Variants in ZNF585A observed in about 807,000 individuals in gnomAD.
ZNF585A encodes zinc finger protein 585A.
ZNF585A carries 9 observed loss-of-function variants against 14.9 expected under a neutral mutation model. The observed-to-expected ratio is 0.60, with a 90% CI of 0.36 to 1.05. ZNF585A has a LOEUF of 1.05. Ranked by LOEUF, ZNF585A falls within the 50% of genes least tolerant of loss-of-function variation. ZNF585A has a pLI of 0.01. For synonymous variants in ZNF585A, 276 were observed against 319.9 expected, an observed-to-expected ratio of 0.86 and a Z score of 1.46; for missense variants, 726 against 926.4, an observed-to-expected ratio of 0.78 and a Z score of 2.81.
chr19:37,147,753 C>T lies in ZNF585A; in HGVS notation c.*3836G>A, dbSNP rs1568490662. The stretch of plus-strand genomic sequence containing the variant: ...TTAAAATATATAAATCTAGTTTTTA[C>T]ACTTATAAATCTTTTATCAAATGTA... On this transcript the variant is annotated 3_prime_UTR_variant, in exon 5 of 5. Coordinates refer to ENST00000292841, the MANE Select transcript of ZNF585A (RefSeq NM_001288800.2). 2 of 152,122 alleles carry T rather than the reference C, an allele frequency of 1.3e-5. No homozygotes were observed. Among genetic ancestry groups the T allele is most frequent in the Admixed American group, 1.3e-4 (2 of 15,284 alleles). The allele number at this position is 152,122 out of a possible 1,614,324, so 9.4% of individuals were successfully genotyped here. A position where few individuals can be genotyped will look rare whatever the true frequency, so the allele number is the denominator to read the frequency against.
At chr19:37,167,135 A>G (rs1972104887) in intron 2 of ZNF585A, among the ~76,000 whole-genome samples, 1 of 151,698 alleles carries the variant, frequency 6.6e-6, no homozygotes. Flanking sequence ...CACCCAGCCT[A>G]CCACACAAAC....
In ZNF585A at chr19:37,145,648, T is replaced by G. The variant is rs1475030395; in HGVS notation, c.*5941A>C. 1 of 152,208 alleles carries G rather than the reference T, an allele frequency of 6.6e-6. No individual in the cohort carries two copies. Among genetic ancestry groups the G allele is most frequent in the Non-Finnish European group, 1.5e-5 (1 of 68,036 alleles). The allele number at this position is 152,208 out of a possible 1,614,324, so 9.4% of individuals were successfully genotyped here. ...TCACAAATGTAAACAGAGAGCACAA[T>G]TTTTTGTTTTAATAGCAGCATTCCT... On this transcript the variant is annotated 3_prime_UTR_variant, in exon 5 of 5. Coordinates refer to ENST00000292841, the MANE Select transcript of ZNF585A (RefSeq NM_001288800.2).
Position 37,169,878 on chromosome 19 carries a change from G to A in ZNF585A, c.33C>T (p.Ser11=). MPANWTSPQK[S]SALAPEDHGS... ...CATGATCCTCTGGAGCCAGGGCTGAGGATTTCTGAGGTGAGGTCCAATTAG... is the reference window on the plus strand; with the variant it reads ...CATGATCCTCTGGAGCCAGGGCTGAAGATTTCTGAGGTGAGGTCCAATTAG... Residue 11 remains serine, a synonymous_variant, in exon 2 of 5, where the codon TCC becomes TCT. Transcript: ENST00000292841. 1.2e-6 allele frequency: 2 copies of A among 1,613,392 alleles called. No individual in the cohort carries two copies. The highest frequency in any genetic ancestry group is 1.7e-6 in the Non-Finnish European group (2 of 1,180,008).
Position 37,147,124 on chromosome 19 carries a change from T to C in ZNF585A, c.*4465A>G, listed in dbSNP as rs1466258046. 6.6e-6 allele frequency: 1 copy of C among 152,000 alleles called. No homozygotes were observed. The highest frequency in any genetic ancestry group is 1.5e-5 in the Non-Finnish European group (1 of 68,016). The allele number at this position is 152,000 out of a possible 1,614,324, so 9.4% of individuals were successfully genotyped here. On this transcript the variant is annotated 3_prime_UTR_variant, in exon 5 of 5. Transcript: ENST00000292841. ...GGTTCTCATGAGGCTGATGGTCCAG[T>C]GGGGAAGAGGGATGAGAAACCAAAA...
chr19:37,155,015 T>A (rs965388250), intron 4 of ZNF585A, among the ~76,000 whole-genome samples: 64 of 148,452 alleles, frequency 4.3e-4, no homozygotes, highest in Non-Finnish European at 8.1e-4. Context: ...TTTTTTTTTT[T>A]TTTGAGACGG....
intron 2 of ZNF585A, among the ~76,000 whole-genome samples, chr19:37,160,077 A>G (rs1465788325): frequency 6.6e-6 from 1 of 152,144 alleles, no homozygotes; most frequent in Admixed American, 6.5e-5. Context: ...TCACTCCTAT[A>G]ATCCCAACAC....
chr19:37,161,489 T>C (rs1972012465), intron 2 of ZNF585A, among the ~76,000 whole-genome samples: 1 of 152,204 alleles, frequency 6.6e-6, no homozygotes, highest in Non-Finnish European at 1.5e-5. Flanking sequence ...ATATAAATTG[T>C]AGTTGAGCCT....
chr19:37,160,459 C>T (rs906999437), intron 2 of ZNF585A, among the ~76,000 whole-genome samples: 4 of 151,410 alleles, frequency 2.6e-5, no homozygotes, highest in Non-Finnish European at 4.4e-5. Context: ...TAGAAATCAA[C>T]AAAACTGAAA....
intron 2 of ZNF585A, among the ~76,000 whole-genome samples, chr19:37,167,589 T>TTTTATTTATTTTATTTTATTTTA (rs1972113757): frequency 6.9e-6 from 1 of 144,084 alleles, no homozygotes; most frequent in African/African-American, 2.7e-5. Flanking sequence ...TTACTTTTTA[T>TTTTATTTATTTTATTTTATTTTA]TTTTATTTTA....
intron 2 of ZNF585A, among the ~76,000 whole-genome samples, chr19:37,164,310 G>A (rs1052251862): frequency 1.3e-5 from 2 of 152,076 alleles, no homozygotes; most frequent in African/African-American, 4.8e-5. Context: ...GGCTGAGGCA[G>A]GAGAATGGCG....
rs1971866848 is a variant in ZNF585A, at chr19:37,153,172, C to A, written c.727G>T (p.Glu243Ter). Residue 243 changes from glutamate (E) to a stop codon, truncating the protein, a stop_gained, in exon 5 of 5, where the codon GAA (glutamate) becomes TAA (stop). Transcript: ENST00000292841. LOFTEE classifies it low-confidence loss of function (END_TRUNC). ...EKIHTGERHH[E>*]CTDCGKAFTQ... is the part of the protein sequence containing the mutation. ...AATGCTTTGCCACAGTCAGTGCATT[C>A]ATGGTGTCTCTCTCCAGTATGAATT... The A allele has an allele frequency of 1.4e-5, 22 of 1,614,130 alleles. No individual in the cohort carries two copies. Among genetic ancestry groups the A allele is most frequent in the Non-Finnish European group, 1.9e-5 (22 of 1,180,022 alleles).
rs950237791 is a variant in ZNF585A at position 37,151,886 on chromosome 19, A to G, written c.2013T>C (p.Phe671=). The part of the protein sequence containing the change: ...PYICSECGKT[F]RQKSELITHH... ...GTGTAATCAACTCTGACTTCTGTCG[A>G]AAGGTCTTCCCACATTCAGAACAAA... Residue 671 remains phenylalanine, a synonymous_variant, in exon 5 of 5, where the codon TTT becomes TTC. Transcript: ENST00000292841. The G allele has an allele frequency of 9.9e-6, 16 of 1,612,392 alleles. No homozygotes were observed. The highest frequency in any genetic ancestry group is 3.3e-5 in the Admixed American group (2 of 59,848).
At chr19:37,166,578 C>T (rs1036282677) in intron 2 of ZNF585A, among the ~76,000 whole-genome samples, 1 of 152,084 alleles carries the variant, frequency 6.6e-6, no homozygotes, top group Non-Finnish European at 1.5e-5. Context: ...TCCCAAAGTG[C>T]TGGGATTACA....
rs1320327336 is a variant in ZNF585A at position 37,151,152 on chromosome 19, C to T, written c.*437G>A. 2.3e-5 allele frequency: 9 copies of T among 394,592 alleles called. No individual in the cohort carries two copies. The highest frequency in any genetic ancestry group is 1.3e-4 in the South Asian group (1 of 7,570). 24.4% of individuals were successfully genotyped at this position (394,592 alleles called of 1,614,324 possible). On this transcript the variant is annotated 3_prime_UTR_variant, in exon 5 of 5. Coordinates refer to ENST00000292841, the MANE Select transcript of ZNF585A (RefSeq NM_001288800.2). ...GTCTGTTACACAATGTGTTCCACAA[C>T]GAACAACTCACATAACTTAGGATTC...
At chr19:37,170,721 G>A (rs750407199) in intron 1 of ZNF585A, among the ~76,000 whole-genome samples, 1 of 152,156 alleles carries the variant, frequency 6.6e-6, no homozygotes, top group African/African-American at 2.4e-5. Flanking sequence ...TGATCCGCTC[G>A]CCTCTGCCTC....
chr19:37,153,731 C>T (rs1465078784), intron 4 of ZNF585A, 125 bp from the exon 5 acceptor site: 21 of 851,268 alleles, frequency 2.5e-5, no homozygotes, highest in South Asian at 1.9e-5. Flanking sequence ...AAACCATTTC[C>T]AAATGAGGCA....
chr19:37,154,948 G>A (rs549140193), intron 4 of ZNF585A, among the ~76,000 whole-genome samples: 3 of 151,966 alleles, frequency 2.0e-5, no homozygotes, highest in East Asian at 1.9e-4. Flanking sequence ...GGGAATGTAG[G>A]GGAAAAGAAG....
chr19:37,161,803 GA>G (rs951537431), intron 2 of ZNF585A, among the ~76,000 whole-genome samples: 57 of 150,930 alleles, frequency 3.8e-4, no homozygotes, highest in Middle Eastern at 6.8e-3. Flanking sequence ...TTTATTCTAA[GA>G]AAAAAAAAGT....
chr19:37,171,345 CA>C (rs1295889159), intron 1 of ZNF585A, among the ~76,000 whole-genome samples: 4 of 151,104 alleles, frequency 2.6e-5, no homozygotes, highest in African/African-American at 7.3e-5. Flanking sequence ...AAATATACCA[CA>C]AAAAAAAGTA....
Sources: allele counts gnomAD v4.1 joint callset (sites outside exome capture counted in the v4.1 genomes callset), GRCh38; gene constraint gnomAD v4.1.1; transcripts MANE v1.5; gene names NCBI Gene and HGNC (gene_info 2026-07-23, HGNC 2026-07-21).